Variants in PARD3 observed in about 807,000 individuals in gnomAD.
The protein encoded by PARD3 is partitioning defective 3 homolog.
In PARD3, 75 loss-of-function variants were observed where a neutral mutation model predicts 155.4. That is an observed-to-expected ratio of 0.48 (90% CI 0.40 to 0.58). The LOEUF is 0.58. Among genes scored for constraint, PARD3 ranks in the 20% least tolerant of loss-of-function variants. The pLI is 0.00. For synonymous variants in PARD3, 576 were observed against 610.5 expected (o/e 0.94, Z 0.83); for missense variants, 1,642 against 1,721.7 (o/e 0.95, Z 0.82).
intron 1 of PARD3, among the ~76,000 whole-genome samples, chr10:34,746,050 CT>C (rs781736768): frequency 6.6e-6 from 1 of 152,014 alleles, no homozygotes; most frequent in Non-Finnish European, 1.5e-5. Context: ...TGCAGTGAGC[CT>C]AGATCGCACC....
At chr10:34,409,623 G>C (rs942193975) in intron 5 of PARD3, among the ~76,000 whole-genome samples, 4 of 152,294 alleles carry the variant, frequency 2.6e-5, no homozygotes, top group African/African-American at 9.6e-5. Context: ...TTTGCACGAA[G>C]GGCGTCTGCA....
chr10:34,345,453 G>T (rs1837311664), intron 15 of PARD3: 2 of 984,938 alleles, frequency 2.0e-6, no homozygotes. Context: ...AGTTCCTTTT[G>T]TATCATAGCA....
chr10:34,615,538 C>T (rs956636367), intron 2 of PARD3, among the ~76,000 whole-genome samples: 2 of 152,166 alleles, frequency 1.3e-5, no homozygotes, highest in African/African-American at 4.8e-5. Flanking sequence ...GGCTTCCCGA[C>T]ATTGGTCTGG....
intron 22 of PARD3, among the ~76,000 whole-genome samples, chr10:34,182,249 G>A (rs999679015): frequency 2.6e-5 from 4 of 152,164 alleles, no homozygotes; most frequent in Admixed American, 6.5e-5. Flanking sequence ...CAGCAAGGAC[G>A]GGCCTCATTA....
chr10:34,560,397 C>T (rs886730010), intron 2 of PARD3, among the ~76,000 whole-genome samples: 2 of 152,116 alleles, frequency 1.3e-5, no homozygotes, highest in Admixed American at 1.3e-4. Context: ...TTTGTATATA[C>T]ATCAATTCTC....
At chr10:34,129,698 C>CTTT (rs1346445542) in intron 23 of PARD3, among the ~76,000 whole-genome samples, 1 of 59,714 alleles carries the variant, frequency 1.7e-5, no homozygotes, top group Non-Finnish European at 4.5e-5. Flanking sequence ...AATGTCAAGC[C>CTTT]TCTTTTTTTT....
chr10:34,226,247 T>C (rs1051327610), intron 22 of PARD3, among the ~76,000 whole-genome samples: 1 of 152,202 alleles, frequency 6.6e-6, no homozygotes, highest in African/African-American at 2.4e-5. Flanking sequence ...AGGATGGCTA[T>C]AATAAAAAGG....
intron 2 of PARD3, among the ~76,000 whole-genome samples, chr10:34,623,612 C>G (rs1364628957): frequency 6.6e-6 from 1 of 152,076 alleles, no homozygotes; most frequent in Non-Finnish European, 1.5e-5. Flanking sequence ...TACATCTCAG[C>G]AAAAGTAACA....
chr10:34,479,222 C>T (rs1049034398), intron 3 of PARD3, among the ~76,000 whole-genome samples: 1 of 146,730 alleles, frequency 6.8e-6, no homozygotes, highest in Non-Finnish European at 1.5e-5. Flanking sequence ...AGTGCAGTGG[C>T]ACAATCTTGG....
chr10:34,361,482 A>G (rs1244827420), intron 12 of PARD3, among the ~76,000 whole-genome samples: 1 of 152,218 alleles, frequency 6.6e-6, no homozygotes, highest in Non-Finnish European at 1.5e-5. Flanking sequence ...ACTGCATCCT[A>G]CCAAATTTTT....
chr10:34,341,795 G>A lies in PARD3; in HGVS notation c.2240C>T (p.Thr747Ile), dbSNP rs1041160629. ...RIMGKYQLSP[T>I]VNMPQDDTVI... ...AGTGTCATCTTGGGGCATATTCACT[G>A]TAGGGGACAGCTGGTATTTACCTGT... The change falls in exon 16 of 25, where the codon ACA (threonine) becomes ATA (isoleucine). Residue 747 changes from threonine to isoleucine, a missense_variant. Around this residue, in one of 3 missense-constraint regions of PARD3, gnomAD observed 1,529 missense variants for 1,587.3 expected, o/e 0.96. Transcript: ENST00000374788. The A allele has an allele frequency of 6.2e-7, 1 of 1,610,658 alleles. No homozygotes were observed. Among genetic ancestry groups the A allele is most frequent in the East Asian group, 2.2e-5 (1 of 44,802 alleles).
intron 23 of PARD3, among the ~76,000 whole-genome samples, chr10:34,123,937 T>C (rs932031683): frequency 1.2e-4 from 18 of 152,212 alleles, no homozygotes; most frequent in African/African-American, 3.9e-4. Context: ...CAGCTTAATA[T>C]GCGAGTGTGC....
chr10:34,587,153 T>C (rs2088150837), intron 2 of PARD3, among the ~76,000 whole-genome samples: 1 of 152,124 alleles, frequency 6.6e-6, no homozygotes, highest in Non-Finnish European at 1.5e-5. Flanking sequence ...AGACAGAGTC[T>C]CCCTCTGTCA....
At chr10:34,206,055 T>C (rs1951463943) in intron 22 of PARD3, among the ~76,000 whole-genome samples, 1 of 152,104 alleles carries the variant, frequency 6.6e-6, no homozygotes, top group South Asian at 2.1e-4. Context: ...CAGATCCACA[T>C]GGATCATTTA....
chr10:34,710,985 G>C (rs35418769), intron 1 of PARD3, among the ~76,000 whole-genome samples: 40,405 of 151,936 alleles, frequency 0.27, 5,810 homozygotes, highest in South Asian at 0.37. Flanking sequence ...AGACCAGCCT[G>C]GTCAACATAG....
intron 17 of PARD3, 72 bp downstream of exon 17, chr10:34,337,203 T>C: frequency 3.1e-6 from 3 of 981,732 alleles, no homozygotes; most frequent in Non-Finnish European, 4.4e-6. Flanking sequence ...AGACATCTGC[T>C]TGGGACCATC....
intron 22 of PARD3, among the ~76,000 whole-genome samples, chr10:34,260,929 G>A (rs559602418): frequency 5.9e-5 from 9 of 152,230 alleles, no homozygotes; most frequent in African/African-American, 1.4e-4. Context: ...TGATTTTAAC[G>A]GGAGGGGAAA....
At chr10:34,629,090 G>C (rs1176800457) in intron 2 of PARD3, among the ~76,000 whole-genome samples, 2 of 152,168 alleles carry the variant, frequency 1.3e-5, no homozygotes, top group East Asian at 3.9e-4. Context: ...AGAGTTATGA[G>C]GTGAGAATAA....
chr10:34,239,095 T>C (rs1232680530), intron 22 of PARD3, among the ~76,000 whole-genome samples: 1 of 152,232 alleles, frequency 6.6e-6, no homozygotes, highest in Non-Finnish European at 1.5e-5. Context: ...TCGGAATTTG[T>C]TTGCTTACAT....
Sources: gnomAD v4.1 joint callset for allele counts (sites outside exome capture counted in the v4.1 genomes callset) on GRCh38, gnomAD v4.1.1 for gene constraint, gnomAD v4.1.1 regional missense constraint, MANE v1.5 for transcripts, NCBI Gene and HGNC (gene_info 2026-07-23, HGNC 2026-07-21) for gene names.